Variants in TTC28 observed in about 807,000 individuals in gnomAD.
The protein encoded by TTC28 is tetratricopeptide repeat domain 28.
In TTC28, 61 loss-of-function variants were observed where a neutral mutation model predicts 198.0. The observed-to-expected ratio is 0.31, with a 90% CI of 0.25 to 0.38. The LOEUF (loss-of-function observed/expected upper bound fraction) is 0.38. Among genes scored for constraint, TTC28 ranks in the 10% least tolerant of loss-of-function variants. The probability of loss-of-function intolerance (pLI) is 1.00; values close to 1 mark genes in which losing one functional copy is unlikely to be tolerated. For synonymous variants in TTC28, 1,171 were observed against 1,297.8 expected, an observed-to-expected ratio of 0.90 and a Z score of 2.10; for missense variants, 2,678 against 3,164.0, an observed-to-expected ratio of 0.85 and a Z score of 3.69.
At chr22:28,078,728 C>T (rs1601594087) in intron 12 of TTC28, among the ~76,000 whole-genome samples, 1 of 152,248 alleles carries the variant, frequency 6.6e-6, no homozygotes, top group East Asian at 1.9e-4. Flanking sequence ...GTCAGTTGTT[C>T]ATGCAAACAT....
intron 12 of TTC28, among the ~76,000 whole-genome samples, chr22:28,083,240 T>C (rs1941432161): frequency 6.6e-6 from 1 of 151,956 alleles, no homozygotes; most frequent in Admixed American, 6.6e-5. Context: ...CACATACAGA[T>C]CCAGAGCTCA....
chr22:28,422,585 C>A (rs1229928568), intron 2 of TTC28, among the ~76,000 whole-genome samples: 1 of 151,790 alleles, frequency 6.6e-6, no homozygotes, highest in African/African-American at 2.4e-5. Context: ...ACTACAGGTG[C>A]CCGCCACCAC....
chr22:28,043,003 T>C (rs1939715676), intron 12 of TTC28, among the ~76,000 whole-genome samples: 1 of 151,896 alleles, frequency 6.6e-6, no homozygotes, highest in East Asian at 1.9e-4. Context: ...TCCAACACTT[T>C]GGGAGGCCAA....
chr22:28,649,798 A>G (rs1334832075), intron 1 of TTC28, among the ~76,000 whole-genome samples: 1 of 152,230 alleles, frequency 6.6e-6, no homozygotes, highest in African/African-American at 2.4e-5. Flanking sequence ...AATTCAACCA[A>G]GTTACAAATA....
intron 12 of TTC28, among the ~76,000 whole-genome samples, chr22:28,069,283 G>T (rs1300465174): frequency 6.6e-6 from 1 of 152,054 alleles, no homozygotes; most frequent in Non-Finnish European, 1.5e-5. Flanking sequence ...TGAATCCTTG[G>T]ACAATTCACT....
chr22:28,075,569 G>A (rs1008058669), intron 12 of TTC28, among the ~76,000 whole-genome samples: 3 of 152,156 alleles, frequency 2.0e-5, no homozygotes, highest in Admixed American at 6.5e-5. Context: ...ACAAGAAAGG[G>A]GTGAGCATCA....
chr22:28,670,704 C>CATATATATATATATATATAT lies in TTC28; in HGVS notation c.102+8898_102+8917dup, dbSNP rs146059811. Among the ~76,000 whole-genome samples the CATATATATATATATATATAT allele has an allele frequency of 9.3e-4, 119 of 128,584 alleles. 6 individuals carry two copies. Among genetic ancestry groups the CATATATATATATATATATAT allele is most frequent in the African/African-American group, 2.4e-3 (81 of 34,064 alleles). 84.4% of individuals were successfully genotyped at this position (128,584 alleles called of 152,430 possible). ...AACAATTGTTTTGATGTCTTTAGGG[C>CATATATATATATATATATAT]ATATATATATATATATATATGAGTG... On this transcript the variant is annotated intron_variant, in intron 1 of 22. Coordinates refer to ENST00000397906, the MANE Select transcript of TTC28 (RefSeq NM_001145418.2).
At chr22:28,085,286 A>C (rs1344572894) in intron 12 of TTC28, among the ~76,000 whole-genome samples, 2 of 152,190 alleles carry the variant, frequency 1.3e-5, no homozygotes, top group African/African-American at 4.8e-5. Context: ...CCACAAAGGG[A>C]AGCCCATCAG....
At chr22:28,241,382 C>T (rs948691878) in intron 5 of TTC28, among the ~76,000 whole-genome samples, 1 of 151,986 alleles carries the variant, frequency 6.6e-6, no homozygotes, top group Non-Finnish European at 1.5e-5. Flanking sequence ...AAACTAAATG[C>T]AAAATCTAAT....
At chr22:28,254,734 G>A (rs1164124578) in intron 5 of TTC28, among the ~76,000 whole-genome samples, 6 of 152,028 alleles carry the variant, frequency 3.9e-5, no homozygotes, top group South Asian at 2.1e-4. Flanking sequence ...ATACCAAAGC[G>A]TCAAGTATGA....
intron 2 of TTC28, among the ~76,000 whole-genome samples, chr22:28,419,856 A>G (rs2047221398): frequency 6.6e-6 from 1 of 152,236 alleles, no homozygotes; most frequent in East Asian, 1.9e-4. Context: ...AGAGGCTCTA[A>G]AATGAGACTA....
chr22:28,345,384 A>C (rs1054834791), intron 2 of TTC28, among the ~76,000 whole-genome samples: 9 of 152,146 alleles, frequency 5.9e-5, no homozygotes, highest in African/African-American at 2.2e-4. Flanking sequence ...TATACAGTGC[A>C]TGGGACTATT....
In TTC28 at chr22:28,484,402, G is replaced by A. The variant is rs892851595; in HGVS notation, c.381+145150C>T. On this transcript the variant is annotated intron_variant, in intron 2 of 22. Transcript: ENST00000397906. ...ACTGGGATTACAGGCATGAGCCACCGCACCCAGCCCCCAAAGTTTTATTAA... is the reference window on the plus strand; with the variant it reads ...ACTGGGATTACAGGCATGAGCCACCACACCCAGCCCCCAAAGTTTTATTAA... Among the ~76,000 whole-genome samples, 6 of 152,102 alleles carry A rather than the reference G, an allele frequency of 3.9e-5. No homozygotes were observed. In the South Asian group the frequency reaches 1.0e-3, roughly 26 times the overall value.
intron 5 of TTC28, among the ~76,000 whole-genome samples, chr22:28,201,180 AATTCATTC>A (rs375425536): frequency 3.7e-4 from 56 of 151,930 alleles, no homozygotes; most frequent in Non-Finnish European, 6.6e-4. Context: ...TCAATCTTAA[AATTCATTC>A]ATTCATTCAT....
intron 2 of TTC28, among the ~76,000 whole-genome samples, chr22:28,623,134 T>C (rs1357678970): frequency 6.6e-6 from 1 of 152,056 alleles, no homozygotes; most frequent in Non-Finnish European, 1.5e-5. Flanking sequence ...AAAATAGATA[T>C]TTTTTAAGAG....
chr22:28,298,591 G>A (rs2044950282), intron 3 of TTC28, among the ~76,000 whole-genome samples: 1 of 152,058 alleles, frequency 6.6e-6, no homozygotes, highest in Non-Finnish European at 1.5e-5. Flanking sequence ...TAGGACCACA[G>A]GCACACACCA....
intron 12 of TTC28, among the ~76,000 whole-genome samples, chr22:28,055,484 A>T (rs1275854369): frequency 6.6e-6 from 1 of 152,208 alleles, no homozygotes; most frequent in Non-Finnish European, 1.5e-5. Context: ...CCCTTGAAGG[A>T]CATCGAAGAT....
At chr22:28,379,807 G>A (rs1449242291) in intron 2 of TTC28, among the ~76,000 whole-genome samples, 1 of 152,194 alleles carries the variant, frequency 6.6e-6, no homozygotes, top group Non-Finnish European at 1.5e-5. Context: ...TAAATAAAAA[G>A]ATTTTTTTAA....
intron 2 of TTC28, among the ~76,000 whole-genome samples, chr22:28,541,315 T>C (rs1195404480): frequency 6.6e-6 from 1 of 152,214 alleles, no homozygotes; most frequent in Non-Finnish European, 1.5e-5. Context: ...TGCTGGGCCA[T>C]AATGCATGAA....
Sources: gnomAD v4.1 joint callset for allele counts (sites outside exome capture counted in the v4.1 genomes callset) on GRCh38, gnomAD v4.1.1 for gene constraint, MANE v1.5 for transcripts, NCBI Gene and HGNC (gene_info 2026-07-23, HGNC 2026-07-21) for gene names.